Variants in MYO7A observed in about 807,000 individuals in gnomAD.
MYO7A encodes the protein unconventional myosin-VIIa.
Under a neutral mutation model 263.8 loss-of-function variants are expected in MYO7A, and 210 were observed. The ratio of observed to expected loss-of-function variants is 0.80; its 90% CI spans 0.71 to 0.89. MYO7A has a LOEUF of 0.89. MYO7A is among the 40% of genes least tolerant of loss of function. MYO7A has a pLI of 0.00. For missense variants in MYO7A, 2,820 were observed against 2,968.3 expected (o/e 0.95, Z 1.16); for synonymous variants, 1,239 against 1,197.3 (o/e 1.03, Z -0.72).
chr11:77,193,006 G>GTTGGTGTTGGTGGAGGTA (rs1956273617), intron 31 of MYO7A, among the ~76,000 whole-genome samples: 1 of 137,102 alleles, frequency 7.3e-6, no homozygotes, highest in African/African-American at 3.2e-5. Flanking sequence ...TGATGCTGTT[G>GTTGGTGTTGGTGGAGGTA]GTGATGGTGG....
At position 77,131,622 on chromosome 11, in the gene MYO7A, T is replaced by C. The variant is rs1473320621; in HGVS notation, c.18+970T>C. ...CTGTGTGCCAGGGCCTGGGCCCCCATAGCCCTCCAGGGGCGTCCTCCCTCA... is the reference window on the plus strand; with the variant it reads ...CTGTGTGCCAGGGCCTGGGCCCCCACAGCCCTCCAGGGGCGTCCTCCCTCA... On this transcript the variant is annotated intron_variant, in intron 2 of 48. Transcript: ENST00000409709. Among the ~76,000 whole-genome samples, 3 of 152,154 alleles carry C rather than the reference T, an allele frequency of 2.0e-5. 1 individual carries two copies. Among genetic ancestry groups the C allele is most frequent in the Non-Finnish European group, 2.9e-5 (2 of 67,998 alleles).
At chr11:77,186,612 CCT>C (rs1955665004) in intron 27 of MYO7A, among the ~76,000 whole-genome samples, 2 of 152,210 alleles carry the variant, frequency 1.3e-5, no homozygotes, top group Admixed American at 1.3e-4. Context: ...AACTTCCTTA[CCT>C]CTCTCAGCCT....
intron 14 of MYO7A, among the ~76,000 whole-genome samples, chr11:77,164,127 G>A (rs192360501): frequency 0.01 from 1,564 of 152,260 alleles, 16 homozygotes; most frequent in Non-Finnish European, 0.015. Context: ...TTTCCCCTGG[G>A]GACAGGCAAT....
chr11:77,166,928 T>A (rs1295774434), intron 15 of MYO7A, among the ~76,000 whole-genome samples: 1 of 152,120 alleles, frequency 6.6e-6, no homozygotes, highest in African/African-American at 2.4e-5. Flanking sequence ...GCACCGTGGT[T>A]CCTGTTGTAG....
intron 15 of MYO7A, among the ~76,000 whole-genome samples, chr11:77,170,491 G>A (rs898215757): frequency 1.3e-5 from 2 of 152,208 alleles, no homozygotes; most frequent in Non-Finnish European, 2.9e-5. Flanking sequence ...CTTCATGCGA[G>A]TGAATCAAGG....
At chr11:77,212,868 AG>A in intron 46 of MYO7A, 83 bp from the exon 47 acceptor site, 2 of 1,133,164 alleles carry the variant, frequency 1.8e-6, no homozygotes, top group Middle Eastern at 1.9e-4. Context: ...ACTTTATCCC[AG>A]CTGGGGCCAG....
At position 77,189,290 on chromosome 11, in the gene MYO7A, C is replaced by T. The variant is rs879958307; in HGVS notation, c.3504-54C>T. On this transcript the variant is annotated intron_variant, in intron 27 of 48. Transcript: ENST00000409709. ...ACTGGCTGCTAGGAGGAGGTGGGGA[C>T]CGGGGCTGTTCCTGTGGGGTGATTC... The T allele has an allele frequency of 2.5e-6, 4 of 1,605,334 alleles. No individual in the cohort carries two copies. The East Asian group carries it at 6.7e-5, about 27-fold the overall frequency.
rs1226538179 is a variant in MYO7A at position 77,160,257 on chromosome 11, T to G, written c.1175T>G (p.Leu392Arg). 4 of 1,573,888 alleles carry G rather than the reference T, an allele frequency of 2.5e-6. No individual in the cohort carries two copies. The highest frequency in any genetic ancestry group is 3.4e-6 in the Non-Finnish European group (4 of 1,160,330). Residue 392 changes from leucine to arginine, a missense_variant, in exon 11 of 49, where the codon CTG becomes CGG. Coordinates refer to ENST00000409709, the MANE Select transcript of MYO7A (RefSeq NM_000260.4). ...ACCCCACTGAGCAGGGAACAGGCAC[T>G]GGACGTGCGCGACGCCTTCGTAAAG... The part of the protein sequence containing the change: ...VSTPLSREQA[L>R]DVRDAFVKGI...
chr11:77,175,192 AC>A (rs1555079291), intron 17 of MYO7A, among the ~76,000 whole-genome samples, 179 bp from the exon 18 acceptor site: 1 of 152,130 alleles, frequency 6.6e-6, no homozygotes, highest in East Asian at 1.9e-4. Context: ...TTGCAATCAT[AC>A]CATCCAGCTG....
At chr11:77,211,073 T>G in intron 44 of MYO7A, 79 bp from the exon 45 acceptor site, 20 of 1,316,634 alleles carry the variant, frequency 1.5e-5, no homozygotes, top group East Asian at 2.6e-5. Context: ...ACCCCGGCGT[T>G]GGGGGTCTTG....
At position 77,213,976 on chromosome 11, in the gene MYO7A, A is replaced by G. The variant is rs765251928; in HGVS notation, c.6555A>G (p.Ser2185=). The G allele has an allele frequency of 3.1e-6, 5 of 1,613,892 alleles. No individual in the cohort carries two copies. The highest frequency in any genetic ancestry group is 4.2e-6 in the Non-Finnish European group (5 of 1,179,898). ...VRGSKLLCET[S]LGYKMDDLLT... ...GGAGCAAACTGCTCTGCGAGACGTC[A>G]CTGGTGAGGGCGCATCCTGCTGGGC... The change falls in exon 48 of 49, where the codon TCA becomes TCG. Residue 2185 remains serine (S), a synonymous_variant. Coordinates refer to ENST00000409709, the MANE Select transcript of MYO7A (RefSeq NM_000260.4).
intron 11 of MYO7A, among the ~76,000 whole-genome samples, chr11:77,160,641 G>A (rs551323446): frequency 1.3e-4 from 20 of 152,256 alleles, no homozygotes; most frequent in African/African-American, 4.6e-4. Context: ...ACCACACCAG[G>A]CCCTGGGCTG....
chr11:77,213,915 C>T lies in MYO7A; in HGVS notation c.6494C>T (p.Thr2165Ile). Residue 2165 changes from threonine to isoleucine, a missense_variant, in exon 48 of 49, where the codon ACC becomes ATC. By Grantham distance (89) the Thr-to-Ile change is moderately conservative (BLOSUM62 -1). Coordinates refer to ENST00000409709, the MANE Select transcript of MYO7A (RefSeq NM_000260.4). ...TKISNWSSGN[T>I]YFHITIGNLV... ...ATCTCCAACTGGAGCAGCGGCAACA[C>T]CTACTTCCACATCACCATTGGGAAC... 6.2e-7 allele frequency: 1 copy of T among 1,614,094 alleles called. No individual in the cohort carries two copies. The highest frequency in any genetic ancestry group is 8.5e-7 in the Non-Finnish European group (1 of 1,179,906).
At chr11:77,145,421 G>A (rs1219213807) in intron 3 of MYO7A, among the ~76,000 whole-genome samples, 3 of 152,158 alleles carry the variant, frequency 2.0e-5, no homozygotes, top group Non-Finnish European at 2.9e-5. Context: ...GGGGTCCGGG[G>A]TCAGGCCGTG....
rs974569338 is a variant in MYO7A at position 77,135,949 on chromosome 11, A to T, written c.18+5297A>T. Among the ~76,000 whole-genome samples the T allele has an allele frequency of 3.3e-5, 5 of 152,054 alleles. No homozygotes were observed. The East Asian group carries it at 9.6e-4, about 29-fold the overall frequency. On this transcript the variant is annotated intron_variant, in intron 2 of 48. Transcript: ENST00000409709. ...TTGTTTGTTTTGGAGACACAGTCTC[A>T]CTCTGTCACCCAGGCTGGTGTACAG...
chr11:77,199,679 G>T lies in MYO7A; in HGVS notation c.4713G>T (p.Thr1571=), dbSNP rs568414079. 1 of 1,613,318 alleles carries T rather than the reference G, an allele frequency of 6.2e-7. No individual in the cohort carries two copies. Among genetic ancestry groups the T allele is most frequent in the Non-Finnish European group, 8.5e-7 (1 of 1,179,790 alleles). The change falls in exon 35 of 49, where the codon ACG becomes ACT. Residue 1571 remains threonine, a synonymous_variant. Coordinates refer to ENST00000409709, the MANE Select transcript of MYO7A (RefSeq NM_000260.4). ...RGAKTTAPSF[T]LATIKGDEYT... Reference sequence around the variant, plus strand: ...CGAAAACGACGGCCCCCAGCTTCACGCTGGCCACCATCAAGGGGGACGAAT... The same window carrying T: ...CGAAAACGACGGCCCCCAGCTTCACTCTGGCCACCATCAAGGGGGACGAAT...
Position 77,181,322 on chromosome 11 carries a change from C to G in MYO7A, c.2695-58C>G, listed in dbSNP as rs3740762. ...GGGCTCCCCAGGGAGAGCTTGTTCC[C>G]TGAGGCTGTGGCACCGGGGGCTGAC... On this transcript the variant is annotated intron_variant, in intron 22 of 48. Transcript: ENST00000409709. 803,407 of 1,467,216 alleles carry G rather than the reference C, an allele frequency of 0.55. 222,634 individuals carry two copies. The highest frequency in any genetic ancestry group is 0.64 in the Admixed American group (29,597 of 46,424). The allele number at this position is 1,467,216 out of a possible 1,614,324, so 90.9% of individuals were successfully genotyped here. A position where few individuals can be genotyped will look rare whatever the true frequency, so the allele number is the denominator to read the frequency against.
intron 16 of MYO7A, among the ~76,000 whole-genome samples, chr11:77,173,292 G>A (rs1264243043): frequency 6.6e-6 from 1 of 152,210 alleles, no homozygotes; most frequent in Admixed American, 6.5e-5. Flanking sequence ...TCTTGCTGGG[G>A]CTGCTTCTTT....
Position 77,192,053 on chromosome 11 carries a change from G to A in MYO7A, c.3927G>A (p.Val1309=), listed in dbSNP as rs181729570. Residue 1309 remains valine (V), a splice_region_variant and synonymous_variant, in exon 31 of 49, where the codon GTG becomes GTA. Transcript: ENST00000409709. ...TCCCCTCCCCTCTGTGCCCACAGGT[G>A]TCCTCCCTGGGCAGCGGCAGTGACC... ...FSLYIALFDK[V]SSLGSGSDHV... 1.9e-6 allele frequency: 3 copies of A among 1,612,562 alleles called. No homozygotes were observed. The highest frequency in any genetic ancestry group is 1.7e-5 in the Admixed American group (1 of 59,908).
Sources: allele counts gnomAD v4.1 joint callset (sites outside exome capture counted in the v4.1 genomes callset), GRCh38; gene constraint gnomAD v4.1.1; transcripts MANE v1.5; gene names NCBI Gene and HGNC (gene_info 2026-07-23, HGNC 2026-07-21).